Variants in MARCHF1 observed in about 807,000 individuals in gnomAD.
The protein encoded by MARCHF1 is E3 ubiquitin-protein ligase MARCHF1.
In MARCHF1, 40 loss-of-function variants were observed where a neutral mutation model predicts 54.2. The observed-to-expected ratio is 0.74, with a 90% CI of 0.57 to 0.96. The LOEUF is 0.96. Among genes scored for constraint, MARCHF1 ranks in the 40% least tolerant of loss-of-function variants. The pLI, the probability that MARCHF1 is intolerant of heterozygous loss-of-function variation, is 0.00. For missense variants in MARCHF1, 586 were observed against 656.5 expected (o/e 0.89, Z 1.17); for synonymous variants, 236 against 236.3 (o/e 1.00, Z 0.01).
chr4:163,710,052 T>C (rs141650281), intron 4 of MARCHF1, among the ~76,000 whole-genome samples: 52 of 152,300 alleles, frequency 3.4e-4, no homozygotes, highest in African/African-American at 1.2e-3. Flanking sequence ...AAAATGAACA[T>C]ATCATTCCCT....
chr4:164,040,204 GTATA>G (rs993320881), intron 2 of MARCHF1, among the ~76,000 whole-genome samples: 7 of 141,778 alleles, frequency 4.9e-5, no homozygotes, highest in South Asian at 4.4e-4. Context: ...TAAATACATT[GTATA>G]TATATTTATA....
intron 2 of MARCHF1, among the ~76,000 whole-genome samples, chr4:164,080,962 A>C (rs1460622811): frequency 1.3e-5 from 2 of 151,396 alleles, no homozygotes; most frequent in African/African-American, 4.8e-5. Context: ...TAATCCCAGC[A>C]CTTTGGGAGG....
Position 164,323,597 on chromosome 4 carries a change from C to CAAAAAA in MARCHF1, c.-323+60267_-323+60272dup, listed in dbSNP as rs70952622. On this transcript the variant is annotated intron_variant, in intron 1 of 9. Transcript: ENST00000514618. ...CACTGATTAAGGAGAGGATGAGTAG[C>CAAAAAA]AAAAAAAAAAAAAAAAAAAAAAAAA... Among the ~76,000 whole-genome samples the CAAAAAA allele has an allele frequency of 1.3e-4, 4 of 30,928 alleles. 1 individual carries two copies. The highest frequency in any genetic ancestry group is 1.6e-4 in the African/African-American group (1 of 6,450). The allele number at this position is 30,928 out of a possible 152,430, so 20.3% of individuals were successfully genotyped here. A position where few individuals can be genotyped will look rare whatever the true frequency, so the allele number is the denominator to read the frequency against.
chr4:164,213,431 T>A (rs1731837667), intron 1 of MARCHF1, among the ~76,000 whole-genome samples: 1 of 151,750 alleles, frequency 6.6e-6, no homozygotes, highest in Non-Finnish European at 1.5e-5. Context: ...GAGACGGGGT[T>A]TCACCGTGTT....
At chr4:164,364,547 T>G (rs1355496081) in intron 1 of MARCHF1, among the ~76,000 whole-genome samples, 2 of 152,086 alleles carry the variant, frequency 1.3e-5, no homozygotes, top group Admixed American at 1.3e-4. Flanking sequence ...ATTTTACAAC[T>G]CTCCATATTC....
At chr4:163,575,670 T>A (rs1052371461) in intron 8 of MARCHF1, among the ~76,000 whole-genome samples, 9 of 151,998 alleles carry the variant, frequency 5.9e-5, no homozygotes, top group Non-Finnish European at 1.5e-5. Flanking sequence ...TGTAAATCCA[T>A]CTGGTTTGGG....
rs1300861877 is a variant in MARCHF1 at position 163,626,764 on chromosome 4, T to C, written c.163-13371A>G. ...CAACATGGTGAAACCCCATCTCTACTAAAATACAAAAAATTAGCCTGGCAT... is the reference window on the plus strand; with the variant it reads ...CAACATGGTGAAACCCCATCTCTACCAAAATACAAAAAATTAGCCTGGCAT... On this transcript the variant is annotated intron_variant, in intron 5 of 9. Coordinates refer to ENST00000514618, the MANE Select transcript of MARCHF1 (RefSeq NM_001394959.1). Among the ~76,000 whole-genome samples the C allele has an allele frequency of 2.6e-5, 4 of 152,004 alleles. No homozygotes were observed. The East Asian group carries it at 5.8e-4, about 22-fold the overall frequency.
chr4:163,651,275 T>C (rs553869234), intron 5 of MARCHF1, among the ~76,000 whole-genome samples: 9 of 152,070 alleles, frequency 5.9e-5, no homozygotes, highest in Non-Finnish European at 8.8e-5. Flanking sequence ...CTATATTCTA[T>C]ATATTTGTAG....
At chr4:163,904,860 C>T (rs1310447640) in intron 3 of MARCHF1, among the ~76,000 whole-genome samples, 1 of 152,004 alleles carries the variant, frequency 6.6e-6, no homozygotes, top group Non-Finnish European at 1.5e-5. Flanking sequence ...CTGTGAATCT[C>T]CTAATTCTGG....
At chr4:164,071,200 T>C (rs1319309464) in intron 2 of MARCHF1, among the ~76,000 whole-genome samples, 1 of 152,216 alleles carries the variant, frequency 6.6e-6, no homozygotes, top group African/African-American at 2.4e-5. Flanking sequence ...CAGCATTTTA[T>C]CTCCTTTTCA....
chr4:164,067,230 G>A (rs1271196633), intron 2 of MARCHF1, among the ~76,000 whole-genome samples: 2 of 151,796 alleles, frequency 1.3e-5, no homozygotes, highest in African/African-American at 2.4e-5. Flanking sequence ...CACAGAATTA[G>A]AAAAAAAGTA....
chr4:164,345,576 A>ATCATC (rs1561011042), intron 1 of MARCHF1, among the ~76,000 whole-genome samples: 7 of 15,184 alleles, frequency 4.6e-4, no homozygotes, highest in African/African-American at 1.1e-3. Flanking sequence ...TCTCAAACAT[A>ATCATC]ATAATAATAA....
intron 1 of MARCHF1, among the ~76,000 whole-genome samples, chr4:164,310,366 A>G (rs7655343): frequency 0.14 from 21,718 of 151,776 alleles, 2,340 homozygotes; most frequent in East Asian, 0.42. Flanking sequence ...GTGAGCCACC[A>G]CGCCTGGCCA....
chr4:164,290,873 T>C (rs532762469), intron 1 of MARCHF1, among the ~76,000 whole-genome samples: 4 of 152,014 alleles, frequency 2.6e-5, no homozygotes, highest in South Asian at 2.1e-4. Flanking sequence ...AATAGACACA[T>C]TTCTCCAAGC....
intron 4 of MARCHF1, among the ~76,000 whole-genome samples, chr4:163,721,362 C>T (rs1000933369): frequency 1.3e-5 from 2 of 152,016 alleles, no homozygotes; most frequent in Admixed American, 6.6e-5. Context: ...ACCAGCCTTG[C>T]ATCCCAGGGA....
At chr4:164,060,414 A>G (rs1170397779) in intron 2 of MARCHF1, among the ~76,000 whole-genome samples, 1 of 152,146 alleles carries the variant, frequency 6.6e-6, no homozygotes, top group African/African-American at 2.4e-5. Flanking sequence ...TTCAAACTAC[A>G]TTAATAGAAA....
chr4:163,709,666 T>C, intron 4 of MARCHF1, among the ~76,000 whole-genome samples: 1 of 152,214 alleles, frequency 6.6e-6, no homozygotes. Flanking sequence ...AGGCACTAAA[T>C]TATTTATTCA....
At chr4:163,562,780 C>A (rs906826487) in intron 8 of MARCHF1, among the ~76,000 whole-genome samples, 1 of 152,156 alleles carries the variant, frequency 6.6e-6, no homozygotes, top group Non-Finnish European at 1.5e-5. Flanking sequence ...TGTTATTTCC[C>A]CAGATTTACA....
intron 1 of MARCHF1, among the ~76,000 whole-genome samples, chr4:164,192,448 T>G (rs1281175143): frequency 6.6e-6 from 1 of 152,142 alleles, no homozygotes; most frequent in Admixed American, 6.5e-5. Context: ...AGTCAATCAT[T>G]CAGGCAGCCA....
Sources: gnomAD v4.1 joint callset for allele counts (sites outside exome capture counted in the v4.1 genomes callset) on GRCh38, gnomAD v4.1.1 for gene constraint, MANE v1.5 for transcripts, NCBI Gene and HGNC (gene_info 2026-07-23, HGNC 2026-07-21) for gene names.